Variants in ENO4 observed in about 807,000 individuals in gnomAD.
The protein encoded by ENO4 is enolase 4.
In ENO4, 53 loss-of-function variants were observed where a neutral mutation model predicts 63.2. The ratio of observed to expected loss-of-function variants is 0.84; its 90% CI spans 0.67 to 1.05. The LOEUF is 1.05. Ranked by LOEUF, ENO4 falls within the 50% of genes least tolerant of loss-of-function variation. The pLI, the probability that ENO4 is intolerant of heterozygous loss-of-function variation, is 0.00. For synonymous variants in ENO4, 266 were observed against 283.8 expected, an observed-to-expected ratio of 0.94 and a Z score of 0.63; for missense variants, 719 against 772.0, an observed-to-expected ratio of 0.93 and a Z score of 0.81.
chr10:116,881,937 TAA>T lies in ENO4; in HGVS notation c.*271_*272del. ...TCCATTTTTCAGGGACACGCTCCAG[TAA>T]AAGAGGCCAATATTTTTGTTGCCAA... is the stretch of plus-strand genomic sequence containing the variant. On this transcript the variant is annotated 3_prime_UTR_variant, in exon 14 of 14. Transcript: ENST00000341276. 1 of 308,608 alleles carries T rather than the reference TAA, an allele frequency of 3.2e-6. No homozygotes were observed. Among genetic ancestry groups the T allele is most frequent in the Non-Finnish European group, 5.9e-6 (1 of 170,190 alleles). 19.1% of individuals were successfully genotyped at this position (308,608 alleles called of 1,614,324 possible).
chr10:116,878,937 G>A (rs1352738592), intron 11 of ENO4, among the ~76,000 whole-genome samples: 2 of 151,852 alleles, frequency 1.3e-5, no homozygotes, highest in Non-Finnish European at 2.9e-5. Flanking sequence ...TAGAGACGGG[G>A]TTTCACCGTG....
intron 10 of ENO4, among the ~76,000 whole-genome samples, chr10:116,894,581 G>A (rs1847447002): frequency 6.6e-6 from 1 of 152,260 alleles, no homozygotes; most frequent in South Asian, 2.1e-4. Flanking sequence ...TGACCAAGAC[G>A]ACACAGCTAT....
intron 10 of ENO4, chr10:116,901,391 G>A (rs1016872590): frequency 7.1e-6 from 7 of 985,180 alleles, no homozygotes; most frequent in Admixed American, 1.2e-4. Context: ...AGTAGTCTCT[G>A]AAAGATCTAG....
chr10:116,902,007 T>C, intron 10 of ENO4: 2 of 1,466,454 alleles, frequency 1.4e-6, no homozygotes, highest in African/African-American at 1.5e-5. Flanking sequence ...ATGATGCTTA[T>C]TAATATGGTA....
intron 10 of ENO4, among the ~76,000 whole-genome samples, chr10:116,875,561 TCA>T (rs56000218): frequency 0.25 from 36,692 of 147,918 alleles, 4,622 homozygotes; most frequent in South Asian, 0.27. Context: ...TCCAGGCTGG[TCA>T]CACACACACA....
At chr10:116,887,137 G>A (rs759131652), downstream of ENO4, among the ~76,000 whole-genome samples, 7 of 152,148 alleles carry the variant, frequency 4.6e-5, no homozygotes, top group African/African-American at 7.2e-5. Flanking sequence ...GACCAAGGGC[G>A]GAGAGAGAGC....
rs141076956 is a variant in ENO4 at position 116,876,262 on chromosome 10, T to C, written c.1537+2T>C. On this transcript the variant is annotated splice_donor_variant, in intron 11 of 13. Transcript: ENST00000341276. LOFTEE classifies it high-confidence loss of function. ...TGGAAATAACCAATCTGATTGACAG[T>C]GAGTAAAAGCATACATCTGAAAGAC... 6.5e-7 allele frequency: 1 copy of C among 1,536,408 alleles called. No homozygotes were observed. Among genetic ancestry groups the C allele is most frequent in the East Asian group, 2.5e-5 (1 of 40,226 alleles).
At chr10:116,887,429 T>C (rs1464907566), downstream of ENO4, among the ~76,000 whole-genome samples, 1 of 152,106 alleles carries the variant, frequency 6.6e-6, no homozygotes, top group African/African-American at 2.4e-5. Flanking sequence ...TTTCTGGTCT[T>C]TTTGGAAAAT....
At chr10:116,866,600 A>G (rs1846554543) in intron 7 of ENO4, among the ~76,000 whole-genome samples, 1 of 152,040 alleles carries the variant, frequency 6.6e-6, no homozygotes, top group South Asian at 2.1e-4. Flanking sequence ...TGAGGTGGAG[A>G]GGCCAGGAGT....
Position 116,874,122 on chromosome 10 carries a change from C to T in ENO4, c.1262C>T (p.Ala421Val), listed in dbSNP as rs1472199278. 31 of 1,549,422 alleles carry T rather than the reference C, an allele frequency of 2.0e-5. No homozygotes were observed. In the East Asian group the frequency reaches 2.4e-4, roughly 12 times the overall value. Residue 421 changes from alanine (A) to valine (V), a missense_variant, in exon 10 of 14, where the codon GCG becomes GTG. Around this residue, in one of 3 missense-constraint regions of ENO4, gnomAD observed 544 missense variants for 583.6 expected, o/e 0.93. Coordinates refer to ENST00000341276, the MANE Select transcript of ENO4 (RefSeq NM_001242699.2). ...ATCATGGGCACATACAAAAATGCAG[C>T]GGAGATGGTTGACCTGTATGTGGAT... ...EVIMGTYKNA[A>V]EMVDLYVDLI...
chr10:116,874,287 CTTTTA>C (rs1846773332), intron 10 of ENO4, 86 bp downstream of exon 10: 1 of 1,041,728 alleles, frequency 9.6e-7, no homozygotes, highest in Non-Finnish European at 1.3e-6. Context: ...TATAACTCAC[CTTTTA>C]TATTTATAAC....
intron 10 of ENO4, chr10:116,906,586 G>C: frequency 6.4e-7 from 1 of 1,551,010 alleles, no homozygotes; most frequent in African/African-American, 1.4e-5. Context: ...AGATGTTTCA[G>C]AGATGAAGAG....
At chr10:116,911,476 T>C (rs1192825218) in intron 10 of ENO4, 10 of 1,550,236 alleles carry the variant, frequency 6.5e-6, no homozygotes, top group Admixed American at 3.9e-5. Context: ...CATCAACATG[T>C]ACGGACCCTT....
At position 116,876,053 on chromosome 10, in the gene ENO4, A is replaced by G. The variant is rs1301120323; in HGVS notation, c.1342-12A>G. ...ATGCATTATAATGATCAACTCTTAA[A>G]TATTTACCCAGGACTCTGAACAGTG... On this transcript the variant is annotated splice_polypyrimidine_tract_variant and intron_variant, in intron 10 of 13. Transcript: ENST00000341276. 3 of 1,510,260 alleles carry G rather than the reference A, an allele frequency of 2.0e-6. No homozygotes were observed. Among genetic ancestry groups the G allele is most frequent in the Non-Finnish European group, 2.7e-6 (3 of 1,129,900 alleles). The allele number at this position is 1,510,260 out of a possible 1,614,324, so 93.6% of individuals were successfully genotyped here.
chr10:116,891,334 T>A (rs1359124696), intron 10 of ENO4, among the ~76,000 whole-genome samples: 2 of 152,234 alleles, frequency 1.3e-5, no homozygotes, highest in Non-Finnish European at 2.9e-5. Context: ...AGCTGGACTA[T>A]TTAACACAAT....
At position 116,901,638 on chromosome 10, in the gene ENO4, A is replaced by G. The variant is rs1166026591; in HGVS notation, c.1195-9861A>G. On this transcript the variant is annotated intron_variant, in intron 10 of 10. Coordinates refer to the ENO4 transcript ENST00000369207. ...AATGAAAAAGCTGGCCCATCAAATG[A>G]AAAGAAGAAGAGAATTTACCGGCGA... 13 of 1,354,420 alleles carry G rather than the reference A, an allele frequency of 9.6e-6. No individual in the cohort carries two copies. The East Asian group carries it at 3.6e-4, about 38-fold the overall frequency. 83.9% of individuals were successfully genotyped at this position (1,354,420 alleles called of 1,614,324 possible).
chr10:116,881,441 T>G, intron 13 of ENO4, 74 bp from the exon 14 acceptor site: 1 of 1,168,998 alleles, frequency 8.6e-7, no homozygotes, highest in Non-Finnish European at 1.2e-6. Flanking sequence ...GAAGATGATC[T>G]CCTTCAACTT....
chr10:116,906,731 G>C, intron 10 of ENO4: 1 of 1,612,382 alleles, frequency 6.2e-7, no homozygotes, highest in Non-Finnish European at 8.5e-7. Flanking sequence ...TGAACTAGTG[G>C]ATTTGTTAAG....
At chr10:116,872,228 C>T (rs1158080137) in intron 9 of ENO4, among the ~76,000 whole-genome samples, 1 of 152,160 alleles carries the variant, frequency 6.6e-6, no homozygotes, top group East Asian at 1.9e-4. Flanking sequence ...TTCTAGTCTT[C>T]ACTTCCTCAG....
Sources: gnomAD v4.1 joint callset for allele counts (sites outside exome capture counted in the v4.1 genomes callset) on GRCh38, gnomAD v4.1.1 for gene constraint, gnomAD v4.1.1 regional missense constraint, MANE v1.5 for transcripts, NCBI Gene and HGNC (gene_info 2026-07-23, HGNC 2026-07-21) for gene names.